The following FBXO5 variants were observed in gnomAD, a reference collection of about 807,000 sequenced individuals.
FBXO5 encodes the protein F-box only protein 5.
FBXO5 carries 8 observed loss-of-function variants against 43.3 expected under a neutral mutation model. The observed-to-expected ratio is 0.18, with a 90% CI of 0.11 to 0.33. FBXO5 has a LOEUF of 0.33. Among genes scored for constraint, FBXO5 ranks in the 10% least tolerant of loss-of-function variants. The probability of loss-of-function intolerance (pLI) is 1.00; values close to 1 mark genes in which losing one functional copy is unlikely to be tolerated. For missense variants in FBXO5, 491 were observed against 535.7 expected (o/e 0.92, Z 0.82); for synonymous variants, 204 against 193.7 (o/e 1.05, Z -0.44).
At chr6:152,977,363 C>T (rs1157491857) in intron 1 of FBXO5, among the ~76,000 whole-genome samples, 1 of 152,190 alleles carries the variant, frequency 6.6e-6, no homozygotes, top group Non-Finnish European at 1.5e-5. Flanking sequence ...TCATATAAAA[C>T]TTAACCATTT....
intron 1 of FBXO5, 56 bp downstream of exon 1, chr6:152,982,801 C>T (rs1342781334): frequency 8.8e-6 from 11 of 1,256,442 alleles, no homozygotes; most frequent in Non-Finnish European, 1.2e-5. Context: ...CTGCGACCCT[C>T]CCCGTGCACC....
In FBXO5 at chr6:152,975,385, G is replaced by T. The variant is rs777585450; in HGVS notation, c.340C>A (p.Arg114Ser). The change falls in exon 2 of 5, where the codon CGC (arginine) becomes AGC (serine). Residue 114 changes from arginine (R) to serine (S), a missense_variant. Transcript: ENST00000229758. ...TGTTGATTTTCCTTGTTATGCAAGC[G>T]CTTGCTTTCAGTTTCAAGTTGTACA... ...RIVQLETESKRLHNKENQHVQ... is the reference protein window; with the variant it reads ...RIVQLETESKSLHNKENQHVQ... 8.1e-6 allele frequency: 13 copies of T among 1,613,734 alleles called. No individual in the cohort carries two copies. Among genetic ancestry groups the T allele is most frequent in the South Asian group, 1.1e-5 (1 of 90,994 alleles).
At chr6:152,982,655 A>C (rs1002763197) in intron 1 of FBXO5, among the ~76,000 whole-genome samples, 2 of 151,898 alleles carry the variant, frequency 1.3e-5, no homozygotes, top group African/African-American at 4.8e-5. Flanking sequence ...GCCCCTGCAC[A>C]TCTGGCTCTT....
At chr6:152,981,399 C>G (rs1778255316) in intron 1 of FBXO5, among the ~76,000 whole-genome samples, 1 of 152,194 alleles carries the variant, frequency 6.6e-6, no homozygotes, top group Admixed American at 6.5e-5. Context: ...GTTCCAGTCT[C>G]TAATACCTAC....
At chr6:152,973,286 A>C (rs1778114959) in intron 2 of FBXO5, 150 bp from the exon 3 acceptor site, 4 of 621,082 alleles carry the variant, frequency 6.4e-6, no homozygotes, top group Non-Finnish European at 1.1e-5. Flanking sequence ...TGGCGGTTTT[A>C]ACTGGTCTAA....
chr6:152,974,670 A>G (rs1393513848), intron 2 of FBXO5, among the ~76,000 whole-genome samples: 1 of 152,202 alleles, frequency 6.6e-6, no homozygotes, highest in African/African-American at 2.4e-5. Flanking sequence ...TGCTCAAAGG[A>G]AATGCACATT....
At position 152,975,428 on chromosome 6, in the gene FBXO5, C is replaced by A; in HGVS notation, c.297G>T (p.Pro99=). ...DYERLSCIGS[P]IVSPRIVQLE... ...GTTGTACAATCCTAGGGCTCACAAT[C>A]GGTGACCCAATACATGACAGCCTTT... The change falls in exon 2 of 5, where the codon CCG becomes CCT. Residue 99 remains proline, a synonymous_variant. Transcript: ENST00000229758. 7 of 1,613,910 alleles carry A rather than the reference C, an allele frequency of 4.3e-6. No homozygotes were observed. In the South Asian group the frequency reaches 4.4e-5, roughly 10 times the overall value.
At chr6:152,972,150 A>T in intron 4 of FBXO5, 122 bp downstream of exon 4, 2 of 572,680 alleles carry the variant, frequency 3.5e-6, no homozygotes, top group Non-Finnish European at 5.9e-6. Flanking sequence ...CAGGTTTCTT[A>T]ATGTCAGAGA....
At chr6:152,978,161 A>G (rs1356242709) in intron 1 of FBXO5, among the ~76,000 whole-genome samples, 1 of 152,082 alleles carries the variant, frequency 6.6e-6, no homozygotes, top group African/African-American at 2.4e-5. Context: ...AAATGATAGA[A>G]AAGTCAGAAT....
rs1392160261 is a variant in FBXO5, at chr6:152,975,238, T to C, written c.487A>G (p.Ser163Gly). The change falls in exon 2 of 5, where the codon AGC (serine) becomes GGC (glycine). Residue 163 changes from serine to glycine, a missense_variant. Physicochemically the swap from Ser to Gly is moderately conservative, Grantham distance 56. Coordinates refer to ENST00000229758, the MANE Select transcript of FBXO5 (RefSeq NM_012177.5). The part of the protein sequence containing the change: ...QSGLSEHEEG[S>G]LLEENFGDSL... Reference sequence around the variant, plus strand: ...TCACCGAAATTCTCCTCCAGGAGGCTACCTTCTTCATGTTCACTGAGGCCA... The same window carrying C: ...TCACCGAAATTCTCCTCCAGGAGGCCACCTTCTTCATGTTCACTGAGGCCA... The C allele has an allele frequency of 1.2e-5, 19 of 1,614,042 alleles. No homozygotes were observed. The highest frequency in any genetic ancestry group is 1.6e-5 in the Non-Finnish European group (19 of 1,180,014).
intron 1 of FBXO5, among the ~76,000 whole-genome samples, chr6:152,982,142 A>G (rs760098799): frequency 6.6e-6 from 1 of 152,194 alleles, no homozygotes; most frequent in Non-Finnish European, 1.5e-5. Flanking sequence ...AAAATTGGGA[A>G]AAAGTAACGT....
Position 152,971,090 on chromosome 6 carries a change from A to C in FBXO5, c.*73T>G. The C allele has an allele frequency of 6.9e-7, 1 of 1,442,956 alleles. No homozygotes were observed. Among genetic ancestry groups the C allele is most frequent in the Admixed American group, 2.5e-5 (1 of 39,470 alleles). The allele number at this position is 1,442,956 out of a possible 1,614,324, so 89.4% of individuals were successfully genotyped here. A position where few individuals can be genotyped will look rare whatever the true frequency, so the allele number is the denominator to read the frequency against. On this transcript the variant is annotated 3_prime_UTR_variant, in exon 5 of 5. Coordinates refer to ENST00000229758, the MANE Select transcript of FBXO5 (RefSeq NM_012177.5). ...AACATAAAATTGAAAATCACAATAC[A>C]ATTTTTTTTAAGTTAAAACCTAACA...
intron 4 of FBXO5, 150 bp from the exon 5 acceptor site, chr6:152,971,564 C>A: frequency 1.3e-6 from 1 of 748,338 alleles, no homozygotes; most frequent in South Asian, 2.0e-5. Flanking sequence ...AACTATTGCC[C>A]TTTATCTATG....
Position 152,971,184 on chromosome 6 carries a change from T to G in FBXO5, c.1323A>C (p.Lys441Asn). 6.2e-7 allele frequency: 1 copy of G among 1,607,000 alleles called. No individual in the cohort carries two copies. The highest frequency in any genetic ancestry group is 1.1e-5 in the South Asian group (1 of 89,176). ...GAGATCACAATCTTCGTAAATTCTT[T>G]TTGCTTTTCTTTGTACCAGGCAGGG... ...IGPLPGTKKS[K>N]KNLRRL Residue 441 changes from lysine (K) to asparagine (N), a missense_variant, in exon 5 of 5, where the codon AAA becomes AAC. Coordinates refer to ENST00000229758, the MANE Select transcript of FBXO5 (RefSeq NM_012177.5).
At chr6:152,982,081 C>T (rs965774299) in intron 1 of FBXO5, among the ~76,000 whole-genome samples, 1 of 152,230 alleles carries the variant, frequency 6.6e-6, no homozygotes, top group African/African-American at 2.4e-5. Flanking sequence ...TTTTTAAAGT[C>T]TTCCCTTTCC....
chr6:152,971,273 TAC>T lies in FBXO5; in HGVS notation c.1232_1233del (p.Cys411Ter). The T allele has an allele frequency of 6.2e-7, 1 of 1,614,080 alleles. No homozygotes were observed. The highest frequency in any genetic ancestry group is 1.1e-5 in the South Asian group (1 of 91,076). ...GAACAGTCTTTAGTAGTATGATAAT[TAC>T]AGAGACACTTCGTACAATAATCAAA... ...CGFDYCTKCL[C>X]NYHTTKDCSD... On this transcript the variant is annotated frameshift_variant, in exon 5 of 5. Coordinates refer to ENST00000229758, the MANE Select transcript of FBXO5 (RefSeq NM_012177.5). LOFTEE classifies it high-confidence loss of function.
At chr6:152,971,503 C>G (rs1778085000) in intron 4 of FBXO5, 89 bp from the exon 5 acceptor site, 2 of 1,315,914 alleles carry the variant, frequency 1.5e-6, no homozygotes, top group African/African-American at 3.0e-5. Flanking sequence ...TTGCACCTTC[C>G]CCAATTCATG....
intron 1 of FBXO5, among the ~76,000 whole-genome samples, chr6:152,976,211 A>G (rs1275452126): frequency 6.6e-6 from 1 of 152,216 alleles, no homozygotes; most frequent in African/African-American, 2.4e-5. Flanking sequence ...AATTTTGTGT[A>G]TTATTTCACT....
intron 2 of FBXO5, chr6:152,973,932 A>T (rs1467108973): frequency 6.6e-6 from 1 of 151,940 alleles, no homozygotes; most frequent in Non-Finnish European, 1.5e-5. Flanking sequence ...GTGTAAACTC[A>T]CACTTGCAAA....
Sources: gnomAD v4.1 joint callset for allele counts (sites outside exome capture counted in the v4.1 genomes callset) on GRCh38, gnomAD v4.1.1 for gene constraint, MANE v1.5 for transcripts, NCBI Gene and HGNC (gene_info 2026-07-23, HGNC 2026-07-21) for gene names.